The following TYW1B variants were observed in gnomAD, a reference collection of about 807,000 sequenced individuals.
The protein encoded by TYW1B is S-adenosyl-L-methionine-dependent tRNA 4-demethylwyosine synthase TYW1B.
Under a neutral mutation model 86.9 loss-of-function variants are expected in TYW1B, and 73 were observed. The ratio of observed to expected loss-of-function variants is 0.84; its 90% CI spans 0.70 to 1.02. TYW1B has a LOEUF of 1.02. TYW1B is among the 50% of genes least tolerant of loss of function. The pLI is 0.00. For missense variants in TYW1B, 637 were observed against 827.4 expected, an observed-to-expected ratio of 0.77 and a Z score of 2.82; for synonymous variants, 248 against 292.8, an observed-to-expected ratio of 0.85 and a Z score of 1.56.
At chr7:72,606,129 T>C (rs1811789484) in intron 13 of TYW1B, among the ~76,000 whole-genome samples, 1 of 152,142 alleles carries the variant, frequency 6.6e-6, no homozygotes, top group East Asian at 1.9e-4. Flanking sequence ...TTGAGTTTTA[T>C]TTTTGGCTCA....
intron 11 of TYW1B, among the ~76,000 whole-genome samples, chr7:72,658,297 A>G (rs1554443981): frequency 6.6e-6 from 1 of 152,132 alleles, no homozygotes; most frequent in Non-Finnish European, 1.5e-5. Flanking sequence ...TGACATATCC[A>G]TGGAATAAAA....
intron 11 of TYW1B, among the ~76,000 whole-genome samples, chr7:72,649,844 G>A (rs1554442535): frequency 1.3e-5 from 2 of 151,988 alleles, no homozygotes; most frequent in East Asian, 3.9e-4. Context: ...CTCCCTCCCT[G>A]GAAAATTAAT....
intron 9 of TYW1B, among the ~76,000 whole-genome samples, chr7:72,728,237 G>T (rs1554459115): frequency 6.6e-6 from 1 of 152,206 alleles, no homozygotes; most frequent in Non-Finnish European, 1.5e-5. Context: ...TTTCTAGGAA[G>T]ATTGATGGTA....
At chr7:72,745,892 TCTCA>T (rs1554463743) in intron 7 of TYW1B, among the ~76,000 whole-genome samples, 1 of 149,138 alleles carries the variant, frequency 6.7e-6, no homozygotes, top group Non-Finnish European at 1.5e-5. Context: ...GTGTGTGTAG[TCTCA>T]CTCTGTCACC....
intron 8 of TYW1B, among the ~76,000 whole-genome samples, chr7:72,733,668 TAAGA>T (rs1337929497): frequency 6.7e-6 from 1 of 149,754 alleles, no homozygotes; most frequent in African/African-American, 2.5e-5. Context: ...CTCAAAGAAA[TAAGA>T]AAGAAAAAAA....
chr7:72,652,585 A>C (rs1354568665), intron 11 of TYW1B, among the ~76,000 whole-genome samples: 2 of 152,078 alleles, frequency 1.3e-5, no homozygotes, highest in Non-Finnish European at 2.9e-5. Context: ...ACAGGGAAGA[A>C]ACAGGAAAAA....
At chr7:72,775,505 A>T (rs1787938667) in intron 7 of TYW1B, among the ~76,000 whole-genome samples, 2 of 152,208 alleles carry the variant, frequency 1.3e-5, no homozygotes, top group African/African-American at 4.8e-5. Context: ...GAGCAAGAGG[A>T]CAGTGCAGTA....
intron 13 of TYW1B, among the ~76,000 whole-genome samples, chr7:72,597,582 C>T (rs58935264): frequency 0.39 from 57,839 of 148,978 alleles, 8,027 homozygotes; most frequent in African/African-American, 0.55. Context: ...CCACCCTGAA[C>T]GCACCCGATC....
intron 11 of TYW1B, among the ~76,000 whole-genome samples, chr7:72,679,494 A>C (rs3015917): frequency 0.77 from 116,838 of 150,760 alleles, 45,867 homozygotes; most frequent in Middle Eastern, 0.86. Flanking sequence ...CACGAGCATA[A>C]TATCAAACAA....
intron 8 of TYW1B, among the ~76,000 whole-genome samples, chr7:72,736,443 C>T (rs1440927919): frequency 1.3e-5 from 2 of 152,280 alleles, no homozygotes; most frequent in South Asian, 2.1e-4. Flanking sequence ...AATGTTAGCA[C>T]AGGTCTTTGA....
chr7:72,599,634 A>G (rs535009077), intron 13 of TYW1B, among the ~76,000 whole-genome samples: 1 of 152,178 alleles, frequency 6.6e-6, no homozygotes, highest in East Asian at 1.9e-4. Flanking sequence ...AGAAGATCCC[A>G]AAGAATCAAT....
chr7:72,813,771 A>G (rs1282147434), intron 3 of TYW1B, among the ~76,000 whole-genome samples: 1 of 152,014 alleles, frequency 6.6e-6, no homozygotes. Flanking sequence ...TCCCAGCACT[A>G]TGGGAGGCCG....
At chr7:72,632,267 A>ATATATATATATATACGTG (rs1206416747) in intron 11 of TYW1B, among the ~76,000 whole-genome samples, 3 of 101,216 alleles carry the variant, frequency 3.0e-5, no homozygotes, top group East Asian at 4.6e-4. Context: ...TCCAAAAAAT[A>ATATATATATATATACGTG]TATATATATA....
At chr7:72,596,066 C>T (rs1172037266) in intron 13 of TYW1B, among the ~76,000 whole-genome samples, 1 of 150,152 alleles carries the variant, frequency 6.7e-6, no homozygotes, top group Non-Finnish European at 1.5e-5. Context: ...ATCCCAGCTA[C>T]TTGGGAGGCT....
At chr7:72,603,338 G>A (rs868939514) in intron 13 of TYW1B, among the ~76,000 whole-genome samples, 2 of 138,322 alleles carry the variant, frequency 1.4e-5, no homozygotes, top group African/African-American at 6.7e-5. Flanking sequence ...ATGGATGGAT[G>A]GATGGATGGA....
At chr7:72,614,155 A>G (rs1461651050) in intron 13 of TYW1B, among the ~76,000 whole-genome samples, 1 of 152,194 alleles carries the variant, frequency 6.6e-6, no homozygotes, top group African/African-American at 2.4e-5. Context: ...TTATCATTGC[A>G]CTTTTTTGTA....
chr7:72,607,126 G>T (rs1811818999), intron 13 of TYW1B, among the ~76,000 whole-genome samples: 1 of 152,178 alleles, frequency 6.6e-6, no homozygotes, highest in African/African-American at 2.4e-5. Flanking sequence ...TTGGCTGGGT[G>T]TGGTGGCTCA....
At chr7:72,768,879 G>A (rs1554469048) in intron 7 of TYW1B, 3 of 336,834 alleles carry the variant, frequency 8.9e-6, no homozygotes, top group East Asian at 1.8e-4. Flanking sequence ...ATGGTTTACT[G>A]TGGAGCAGTT....
intron 13 of TYW1B, among the ~76,000 whole-genome samples, chr7:72,604,477 T>C (rs531734623): frequency 2.0e-5 from 3 of 151,926 alleles, no homozygotes; most frequent in South Asian, 4.2e-4. Flanking sequence ...ATAAAAAAAT[T>C]TTTAAAAATT....
Sources: allele counts gnomAD v4.1 joint callset (sites outside exome capture counted in the v4.1 genomes callset), GRCh38; gene constraint gnomAD v4.1.1; transcripts MANE v1.5; gene names NCBI Gene and HGNC (gene_info 2026-07-23, HGNC 2026-07-21).